ASIC2: variants seen among roughly 807,000 people sequenced by gnomAD.
ASIC2 encodes acid sensing ion channel subunit 2, also known as acid-sensing ion channel 2.
ASIC2 carries 25 observed loss-of-function variants against 57.3 expected under a neutral mutation model. The observed-to-expected ratio is 0.44, with a 90% confidence interval of 0.32 to 0.61. ASIC2 has a LOEUF of 0.61. Among genes scored for constraint, ASIC2 ranks in the 20% least tolerant of loss-of-function variants. ASIC2 has a pLI of 0.06. For missense variants in ASIC2, 641 were observed against 738.1 expected (o/e 0.87, Z 1.52); for synonymous variants, 319 against 307.5 (o/e 1.04, Z -0.39).
At chr17:34,043,389 G>A (rs1597990460) in intron 1 of ASIC2, among the ~76,000 whole-genome samples, 1 of 152,214 alleles carries the variant, frequency 6.6e-6, no homozygotes, top group Non-Finnish European at 1.5e-5. Flanking sequence ...ATGGAGGGGG[G>A]ATGGGAAGCA....
chr17:33,442,389 A>G (rs1911857076), intron 1 of ASIC2, among the ~76,000 whole-genome samples: 1 of 152,206 alleles, frequency 6.6e-6, no homozygotes, highest in Non-Finnish European at 1.5e-5. Flanking sequence ...CCTTTAATTC[A>G]TGAGCATGAA....
At chr17:33,195,102 T>C (rs1906572152) in intron 1 of ASIC2, among the ~76,000 whole-genome samples, 1 of 152,140 alleles carries the variant, frequency 6.6e-6, no homozygotes, top group South Asian at 2.1e-4. Flanking sequence ...TCAGCTGGCT[T>C]GCCTGAATTG....
intron 1 of ASIC2, among the ~76,000 whole-genome samples, chr17:33,736,956 A>T (rs1223490101): frequency 3.3e-5 from 5 of 152,258 alleles, no homozygotes; most frequent in Non-Finnish European, 5.9e-5. Flanking sequence ...TGTAACTGAG[A>T]TACAGTAAGC....
intron 1 of ASIC2, among the ~76,000 whole-genome samples, chr17:33,350,608 G>C (rs1340675181): frequency 6.6e-6 from 1 of 151,676 alleles, no homozygotes; most frequent in Non-Finnish European, 1.5e-5. Flanking sequence ...CTTGAACCCG[G>C]GAAGCAGAGG....
intron 1 of ASIC2, among the ~76,000 whole-genome samples, chr17:33,837,073 G>A (rs1913296355): frequency 6.6e-6 from 1 of 152,154 alleles, no homozygotes; most frequent in South Asian, 2.1e-4. Flanking sequence ...GATTACGTGG[G>A]CTGAAAGATC....
intron 3 of ASIC2, among the ~76,000 whole-genome samples, chr17:33,058,317 G>A (rs181353928): frequency 1.3e-5 from 2 of 151,994 alleles, no homozygotes; most frequent in African/African-American, 2.4e-5. Context: ...AGGTGAGGCC[G>A]ACTGGAAAAG....
At chr17:33,806,429 AGCAGCAG>A (rs1392731040) in intron 1 of ASIC2, among the ~76,000 whole-genome samples, 1 of 152,256 alleles carries the variant, frequency 6.6e-6, no homozygotes, top group Non-Finnish European at 1.5e-5. Flanking sequence ...TGCAAAGATA[AGCAGCAG>A]GCTGGCTTGG....
At chr17:33,895,290 G>A (rs1057033370) in intron 1 of ASIC2, among the ~76,000 whole-genome samples, 1 of 151,934 alleles carries the variant, frequency 6.6e-6, no homozygotes, top group Non-Finnish European at 1.5e-5. Context: ...AGCCTCCTGA[G>A]TAGCTGGGAT....
chr17:33,867,889 T>C (rs9890890), intron 1 of ASIC2, among the ~76,000 whole-genome samples: 42,355 of 152,104 alleles, frequency 0.28, 6,084 homozygotes, highest in African/African-American at 0.3. Flanking sequence ...TGTCACCCTC[T>C]GAAAGCTAAG....
chr17:33,193,714 CAG>C (rs1431162646), intron 1 of ASIC2, among the ~76,000 whole-genome samples: 2 of 152,168 alleles, frequency 1.3e-5, no homozygotes, highest in East Asian at 1.9e-4. Context: ...GATTCTAATT[CAG>C]AGAGTCCGGG....
chr17:34,128,766 G>T (rs1366991677), intron 1 of ASIC2, among the ~76,000 whole-genome samples: 2 of 152,116 alleles, frequency 1.3e-5, no homozygotes, highest in Non-Finnish European at 2.9e-5. Flanking sequence ...TCTACAGAAA[G>T]TTTGGGGCTG....
chr17:33,993,801 C>T (rs8064759), intron 1 of ASIC2, among the ~76,000 whole-genome samples: 2,161 of 152,276 alleles, frequency 0.014, 43 homozygotes, highest in African/African-American at 0.049. Context: ...AGTCACATTC[C>T]TCTCTGATCC....
chr17:33,751,753 A>G (rs1910440041), intron 1 of ASIC2, among the ~76,000 whole-genome samples: 1 of 152,058 alleles, frequency 6.6e-6, no homozygotes. Context: ...AATGACTTAG[A>G]GTCCAATTAA....
At chr17:33,850,617 G>A (rs1913738039) in intron 1 of ASIC2, among the ~76,000 whole-genome samples, 1 of 152,146 alleles carries the variant, frequency 6.6e-6, no homozygotes, top group Non-Finnish European at 1.5e-5. Flanking sequence ...ATTGTTCATG[G>A]TATGTTTCCT....
chr17:33,522,091 G>A (rs1231431521), intron 1 of ASIC2, among the ~76,000 whole-genome samples: 1 of 152,178 alleles, frequency 6.6e-6, no homozygotes, highest in Non-Finnish European at 1.5e-5. Flanking sequence ...AAGGGTCAGG[G>A]ATGGCAAAAT....
At chr17:34,131,960 G>A (rs1031507214) in intron 1 of ASIC2, among the ~76,000 whole-genome samples, 13 of 152,146 alleles carry the variant, frequency 8.5e-5, no homozygotes, top group African/African-American at 3.1e-4. Flanking sequence ...AGTGGGACGG[G>A]GACATTTTGG....
chr17:33,955,236 G>A (rs2141987865), intron 1 of ASIC2: 1 of 152,314 alleles, frequency 6.6e-6, no homozygotes, highest in African/African-American at 2.4e-5. Flanking sequence ...GGGCACCATG[G>A]AAGTATGGCC....
chr17:33,913,940 A>T (rs1915526316), intron 1 of ASIC2, among the ~76,000 whole-genome samples: 1 of 152,254 alleles, frequency 6.6e-6, no homozygotes, highest in South Asian at 2.1e-4. Flanking sequence ...TTTATAAATC[A>T]GGAAACTAAA....
intron 1 of ASIC2, among the ~76,000 whole-genome samples, chr17:33,284,146 G>C (rs909430669): frequency 6.6e-6 from 1 of 152,216 alleles, no homozygotes; most frequent in African/African-American, 2.4e-5. Flanking sequence ...ATAAACAATG[G>C]TGTCAGGGGA....
Sources: allele counts gnomAD v4.1 joint callset (sites outside exome capture counted in the v4.1 genomes callset), GRCh38; gene constraint gnomAD v4.1.1; transcripts MANE v1.5; gene names NCBI Gene and HGNC (gene_info 2026-07-23, HGNC 2026-07-21).